Variants in NFKB1 observed in about 807,000 individuals in gnomAD.
NFKB1 encodes the protein nuclear factor NF-kappa-B p105 subunit.
In NFKB1, 9 loss-of-function variants were observed where a neutral mutation model predicts 105.1. The observed-to-expected ratio is 0.09, with a 90% CI of 0.05 to 0.15. The LOEUF (loss-of-function observed/expected upper bound fraction) is 0.15, where lower values mean the gene tolerates loss of function less well. Among genes scored for constraint, NFKB1 ranks in the 10% least tolerant of loss-of-function variants. The pLI, the probability that NFKB1 is intolerant of heterozygous loss-of-function variation, is 1.00. For missense variants in NFKB1, 830 were observed against 1,203.7 expected (o/e 0.69, Z 4.59); for synonymous variants, 440 against 442.2 (o/e 1.00, Z 0.06).
intron 1 of NFKB1, among the ~76,000 whole-genome samples, chr4:102,523,133 C>G (rs1740674654): frequency 6.6e-6 from 1 of 152,154 alleles, no homozygotes; most frequent in Non-Finnish European, 1.5e-5. Context: ...ACAAAGGCCA[C>G]AGTGAGTTTA....
intron 1 of NFKB1, among the ~76,000 whole-genome samples, chr4:102,524,186 A>G (rs201318840): frequency 6.6e-6 from 1 of 152,150 alleles, no homozygotes; most frequent in East Asian, 1.9e-4. Context: ...ACATTTCTCA[A>G]GGAAGTAAAT....
intron 16 of NFKB1, among the ~76,000 whole-genome samples, chr4:102,602,887 T>C (rs1727319570): frequency 6.6e-6 from 1 of 152,240 alleles, no homozygotes; most frequent in South Asian, 2.1e-4. Context: ...CTGTAAAGCT[T>C]GATTCTCGCA....
chr4:102,551,758 G>A (rs927086325), intron 5 of NFKB1, among the ~76,000 whole-genome samples: 2 of 152,108 alleles, frequency 1.3e-5, no homozygotes, highest in African/African-American at 4.8e-5. Flanking sequence ...TCATTGTCCT[G>A]AATACAGCCC....
Position 102,545,871 on chromosome 4 carries a change from G to A in NFKB1, c.258+7915G>A, listed in dbSNP as rs547472776. Among the ~76,000 whole-genome samples, 7 of 152,212 alleles carry A rather than the reference G, an allele frequency of 4.6e-5. No individual in the cohort carries two copies. The East Asian group carries it at 5.8e-4, about 13-fold the overall frequency. ...ATTGAATAGATATTCAATGTATACCGTGGAATAGAATATTATGCCACTGTG... is the reference window on the plus strand; with the variant it reads ...ATTGAATAGATATTCAATGTATACCATGGAATAGAATATTATGCCACTGTG... On this transcript the variant is annotated intron_variant, in intron 5 of 23. Transcript: ENST00000226574.
At chr4:102,583,929 T>C (rs1722339241) in intron 10 of NFKB1, among the ~76,000 whole-genome samples, 1 of 152,190 alleles carries the variant, frequency 6.6e-6, no homozygotes, top group East Asian at 1.9e-4. Flanking sequence ...TAGAAAGATC[T>C]CAGTTATACA....
rs529078997 is a variant in NFKB1 at position 102,598,848 on chromosome 4, G to A, written c.1637+1187G>A. Among the ~76,000 whole-genome samples the A allele has an allele frequency of 5.9e-5, 9 of 152,266 alleles. 1 individual carries two copies. The highest frequency in any genetic ancestry group is 2.2e-4 in the African/African-American group (9 of 41,536). On this transcript the variant is annotated intron_variant, in intron 15 of 23. Transcript: ENST00000226574. Reference sequence around the variant, plus strand: ...AGGATTGTTGGAAGGGATACAAGGCGAGGCACATGCAAGTTCCCTCCTAAG... The same window carrying A: ...AGGATTGTTGGAAGGGATACAAGGCAAGGCACATGCAAGTTCCCTCCTAAG...
At chr4:102,534,263 C>G (rs1409245216) in intron 4 of NFKB1, among the ~76,000 whole-genome samples, 1 of 152,166 alleles carries the variant, frequency 6.6e-6, no homozygotes, top group Non-Finnish European at 1.5e-5. Flanking sequence ...TGAGCGATAT[C>G]CATCTATTAT....
chr4:102,518,365 C>T (rs927737038), intron 1 of NFKB1, among the ~76,000 whole-genome samples: 2 of 152,050 alleles, frequency 1.3e-5, no homozygotes, highest in African/African-American at 4.8e-5. Flanking sequence ...CTATACTTGC[C>T]TCTTTTGTTC....
At chr4:102,591,429 A>AC in intron 11 of NFKB1, among the ~76,000 whole-genome samples, 1 of 152,018 alleles carries the variant, frequency 6.6e-6, no homozygotes, top group East Asian at 1.9e-4. Context: ...CAAAAAAAAA[A>AC]AAAAAAAAGG....
At chr4:102,510,545 C>T (rs1739711182) in intron 1 of NFKB1, among the ~76,000 whole-genome samples, 1 of 152,134 alleles carries the variant, frequency 6.6e-6, no homozygotes, top group Non-Finnish European at 1.5e-5. Flanking sequence ...AAGAAAAATG[C>T]ATGTGAGTAA....
chr4:102,572,128 T>C (rs1724419864), intron 6 of NFKB1, among the ~76,000 whole-genome samples: 1 of 152,164 alleles, frequency 6.6e-6, no homozygotes, highest in African/African-American at 2.4e-5. Flanking sequence ...ATGTGGCATA[T>C]ATACATCATG....
intron 6 of NFKB1, among the ~76,000 whole-genome samples, chr4:102,575,686 T>C (rs1724763436): frequency 6.6e-6 from 1 of 152,206 alleles, no homozygotes; most frequent in South Asian, 2.1e-4. Context: ...AAGTTTTTGC[T>C]CAGTTGTCAT....
chr4:102,559,887 A>G (rs1426559086), intron 5 of NFKB1, among the ~76,000 whole-genome samples: 1 of 151,444 alleles, frequency 6.6e-6, no homozygotes, highest in Non-Finnish European at 1.5e-5. Flanking sequence ...TCAGTGAGCC[A>G]TGATCATACC....
intron 7 of NFKB1, among the ~76,000 whole-genome samples, chr4:102,577,470 G>A (rs1459870462): frequency 2.6e-5 from 4 of 151,980 alleles, no homozygotes; most frequent in African/African-American, 9.7e-5. Context: ...TTATTATAAG[G>A]CATTTTTCTT....
chr4:102,535,322 T>A (rs1160667296), intron 4 of NFKB1, among the ~76,000 whole-genome samples: 1 of 152,202 alleles, frequency 6.6e-6, no homozygotes, highest in Non-Finnish European at 1.5e-5. Flanking sequence ...TAAGAATTTT[T>A]AAATGTAATT....
At chr4:102,551,365 T>TGCGCGC (rs35449997) in intron 5 of NFKB1, among the ~76,000 whole-genome samples, 52,366 of 126,638 alleles carry the variant, frequency 0.41, 9,968 homozygotes, top group South Asian at 0.5. Flanking sequence ...TGTGTGTGTG[T>TGCGCGC]GTGCGCGCGC....
rs371289131 is a variant in NFKB1, at chr4:102,606,591, T to C, written c.1848T>C (p.Gly616=). The part of the protein sequence containing the change: ...GADLSLLDRL[G]NSVLHLAAKE... Reference sequence around the variant, plus strand: ...ACCTGAGCCTTCTGGACCGCTTGGGTAACTCTGTTTTGCACCTAGCTGCCA... The same window carrying C: ...ACCTGAGCCTTCTGGACCGCTTGGGCAACTCTGTTTTGCACCTAGCTGCCA... Residue 616 remains glycine (G), a synonymous_variant, in exon 17 of 24, where the codon GGT becomes GGC. Transcript: ENST00000226574. The C allele has an allele frequency of 1.2e-6, 2 of 1,614,054 alleles. No homozygotes were observed. Among genetic ancestry groups the C allele is most frequent in the African/African-American group, 2.7e-5 (2 of 74,922 alleles).
intron 3 of NFKB1, among the ~76,000 whole-genome samples, chr4:102,532,699 G>T (rs367822661): frequency 6.6e-6 from 1 of 152,098 alleles, no homozygotes; most frequent in Non-Finnish European, 1.5e-5. Flanking sequence ...CAACCTGAAG[G>T]TTTATCTCCT....
intron 22 of NFKB1, 79 bp downstream of exon 22, chr4:102,612,685 T>G (rs1258817948): frequency 9.8e-6 from 13 of 1,325,190 alleles, no homozygotes; most frequent in African/African-American, 1.5e-5. Flanking sequence ...CATAATCTCC[T>G]TCCCTTTTCC....
Sources: allele counts gnomAD v4.1 joint callset (sites outside exome capture counted in the v4.1 genomes callset), GRCh38; gene constraint gnomAD v4.1.1; transcripts MANE v1.5; gene names NCBI Gene and HGNC (gene_info 2026-07-23, HGNC 2026-07-21).